The following DRC9 variants were observed in gnomAD, a reference collection of about 807,000 sequenced individuals.
DRC9 encodes dynein regulatory complex protein 9.
chr3:197,908,369 C>T, the DRC9 span, among the ~76,000 whole-genome samples: 2 of 141,810 alleles, frequency 1.4e-5, no homozygotes, highest in Non-Finnish European at 3.0e-5. Context: ...GTGACTGTAC[C>T]ACGTCTGAAG....
At chr3:197,912,807 C>T in the DRC9 span, 1 of 1,413,288 alleles carries the variant, frequency 7.1e-7, no homozygotes, top group Non-Finnish European at 1.0e-6. Context: ...ATCAGAAGTT[C>T]TCAAGATGAG....
chr3:197,910,845 G>C, the DRC9 span, among the ~76,000 whole-genome samples: 1 of 151,716 alleles, frequency 6.6e-6, no homozygotes, highest in Non-Finnish European at 1.5e-5. Flanking sequence ...CTGGACGTGC[G>C]CCTGTAATCC....
the DRC9 span, among the ~76,000 whole-genome samples, chr3:197,896,456 C>G: frequency 1.3e-5 from 2 of 151,924 alleles, no homozygotes; most frequent in Non-Finnish European, 2.9e-5. Context: ...TCTATCAATC[C>G]AAGAAAAGAA....
the DRC9 span, among the ~76,000 whole-genome samples, chr3:197,910,121 T>C: frequency 1.3e-5 from 2 of 152,152 alleles, no homozygotes; most frequent in African/African-American, 4.8e-5. Flanking sequence ...GCTTTCACTT[T>C]CTTTAACCTA....
chr3:197,930,188 C>G, the DRC9 span, among the ~76,000 whole-genome samples: 1 of 151,252 alleles, frequency 6.6e-6, no homozygotes, highest in Admixed American at 6.6e-5. Context: ...AACCCCATCT[C>G]TACAAAAAAA....
At chr3:197,955,863 C>T in the DRC9 span, 10 of 1,106,580 alleles carry the variant, frequency 9.0e-6, no homozygotes, top group Non-Finnish European at 1.4e-5. Flanking sequence ...TGATTTGCTA[C>T]ATGCTTAAAA....
the DRC9 span, chr3:197,950,234 T>G: frequency 1.6e-6 from 2 of 1,231,000 alleles, no homozygotes; most frequent in Non-Finnish European, 2.0e-6. Flanking sequence ...GAGTGAAGGG[T>G]CTGCTGCTGA....
At chr3:197,915,776 C>T in the DRC9 span, among the ~76,000 whole-genome samples, 1 of 151,842 alleles carries the variant, frequency 6.6e-6, no homozygotes, top group Non-Finnish European at 1.5e-5. Flanking sequence ...ATTACAGGTG[C>T]TCACCACCAC....
At chr3:197,944,368 C>G in the DRC9 span, among the ~76,000 whole-genome samples, 1 of 152,006 alleles carries the variant, frequency 6.6e-6, no homozygotes, top group Non-Finnish European at 1.5e-5. Context: ...AAGCGATTCT[C>G]CTGCCTCACC....
chr3:197,899,605 G>A, the DRC9 span, among the ~76,000 whole-genome samples: 7 of 151,890 alleles, frequency 4.6e-5, no homozygotes, highest in African/African-American at 1.7e-4. Context: ...GTTTACCCAA[G>A]AATGCCACAA....
the DRC9 span, among the ~76,000 whole-genome samples, chr3:197,922,274 G>C: frequency 6.6e-6 from 1 of 152,198 alleles, no homozygotes; most frequent in Non-Finnish European, 1.5e-5. Context: ...TACATCTCAG[G>C]AGCAAGTGTT....
At chr3:197,918,514 C>T in the DRC9 span, among the ~76,000 whole-genome samples, 3 of 152,144 alleles carry the variant, frequency 2.0e-5, no homozygotes, top group Non-Finnish European at 4.4e-5. Flanking sequence ...CCTTCAAGGT[C>T]CACCTTATAT....
chr3:197,912,616 C>T, the DRC9 span: 1 of 1,138,006 alleles, frequency 8.8e-7, no homozygotes, highest in Non-Finnish European at 1.3e-6. Flanking sequence ...TTTTTGTTTC[C>T]TCAGTATAAG....
the DRC9 span, among the ~76,000 whole-genome samples, chr3:197,898,697 T>TAA: frequency 6.6e-6 from 1 of 152,200 alleles, no homozygotes; most frequent in East Asian, 1.9e-4. Flanking sequence ...AAGCCCCTTA[T>TAA]AAAACCATCA....
At chr3:197,940,350 C>G in the DRC9 span, among the ~76,000 whole-genome samples, 1 of 150,454 alleles carries the variant, frequency 6.6e-6, no homozygotes, top group East Asian at 1.9e-4. Flanking sequence ...ATTGCACATG[C>G]TATGTACAAG....
At chr3:197,956,683 G>A in the DRC9 span, 1 of 150,448 alleles carries the variant, frequency 6.6e-6, no homozygotes, top group Non-Finnish European at 1.5e-5. Context: ...GAGTGCAGTG[G>A]CGTGATTACA....
At chr3:197,953,873 C>T in the DRC9 span, 2 of 817,804 alleles carry the variant, frequency 2.4e-6, no homozygotes, top group South Asian at 1.4e-5. Context: ...GAATGGTGTT[C>T]TAGGCATTTA....
the DRC9 span, chr3:197,889,525 C>T: frequency 2.5e-6 from 4 of 1,607,260 alleles, no homozygotes; most frequent in Non-Finnish European, 3.4e-6. Context: ...TCTTAACTCT[C>T]TCCAAGTCCT....
the DRC9 span, chr3:197,943,986 G>A: frequency 2.5e-6 from 4 of 1,614,080 alleles, no homozygotes. Flanking sequence ...TGGTTCGCCT[G>A]TCACTGACAC....
Sources: gnomAD v4.1 joint callset for allele counts (sites outside exome capture counted in the v4.1 genomes callset) on GRCh38, gnomAD v4.1.1 for gene constraint, MANE v1.5 for transcripts, NCBI Gene and HGNC (gene_info 2026-07-23, HGNC 2026-07-21) for gene names.